RIC1: variants seen among roughly 807,000 people sequenced by gnomAD.
RIC1 encodes guanine nucleotide exchange factor subunit RIC1.
A neutral mutation model predicts 169.0 loss-of-function variants in RIC1; 88 were observed. The observed-to-expected ratio is 0.52, with a 90% CI of 0.44 to 0.62. The LOEUF (loss-of-function observed/expected upper bound fraction) is 0.62. Among genes scored for constraint, RIC1 ranks in the 20% least tolerant of loss-of-function variants. The probability of loss-of-function intolerance (pLI) is 0.00; values close to 1 mark genes in which losing one functional copy is unlikely to be tolerated. For synonymous variants in RIC1, 790 were observed against 601.5 expected (o/e 1.31, Z -4.59); for missense variants, 1,877 against 1,725.5 (o/e 1.09, Z -1.56).
chr9:5,734,480 C>T (rs758755657), intron 7 of RIC1, among the ~76,000 whole-genome samples: 64 of 152,062 alleles, frequency 4.2e-4, no homozygotes, highest in Non-Finnish European at 7.5e-4. Flanking sequence ...GCATTTTTTC[C>T]AGGAATTGGT....
In RIC1 at chr9:5,713,930, A is replaced by C; in HGVS notation, c.367A>C (p.Lys123Gln). 6.2e-7 allele frequency: 1 copy of C among 1,613,198 alleles called. No individual in the cohort carries two copies. The highest frequency in any genetic ancestry group is 8.5e-7 in the Non-Finnish European group (1 of 1,179,362). The change falls in exon 4 of 26, where the codon AAG becomes CAG. Residue 123 changes from lysine to glutamine, a missense_variant. Lys to Gln is a moderately conservative substitution (Grantham distance 53). This residue lies in a region of RIC1 where 1,104 missense variants were observed against 992.0 expected (regional missense o/e 1.11). Coordinates refer to ENST00000414202, the MANE Select transcript of RIC1 (RefSeq NM_020829.4). ...SPQMKGTPHF[K>Q]EEQCAPALNL... The stretch of plus-strand genomic sequence containing the variant: ...ACAAATGAAGGGGACACCCCATTTT[A>C]AGGAAGAACAGTGTGCTCCAGCATT...
rs568924472 is a variant in RIC1, at chr9:5,718,420, G to A, written c.441-1762G>A. 3.9e-5 allele frequency among the ~76,000 whole-genome samples: 6 copies of A among 152,240 alleles called. 1 individual carries two copies. The South Asian group carries it at 1.2e-3, about 32-fold the overall frequency. ...CTACCATGAAGATCAACAGTGAAGA[G>A]GGAAGGGGTCTTCCCTGGAGCCCTT... On this transcript the variant is annotated intron_variant, in intron 4 of 25. Coordinates refer to ENST00000414202, the MANE Select transcript of RIC1 (RefSeq NM_020829.4).
At chr9:5,682,990 C>G (rs1295688534) in intron 2 of RIC1, among the ~76,000 whole-genome samples, 1 of 152,198 alleles carries the variant, frequency 6.6e-6, no homozygotes, top group African/African-American at 2.4e-5. Context: ...TCACGTAGTT[C>G]TCGTGCCATG....
At chr9:5,728,290 A>C (rs572823280) in intron 6 of RIC1, among the ~76,000 whole-genome samples, 2 of 152,314 alleles carry the variant, frequency 1.3e-5, no homozygotes, top group South Asian at 4.1e-4. Context: ...GTTCAATCTG[A>C]GTTGCTGTGC....
Position 5,716,072 on chromosome 9 carries a change from A to T in RIC1, c.440+2069A>T, listed in dbSNP as rs373183168. Among the ~76,000 whole-genome samples, 53 of 151,984 alleles carry T rather than the reference A, an allele frequency of 3.5e-4. 1 individual carries two copies. The highest frequency in any genetic ancestry group is 1.9e-3 in the South Asian group (9 of 4,802). On this transcript the variant is annotated intron_variant, in intron 4 of 25. Transcript: ENST00000414202. ...TTGTTGAGGCTGGTCTCAAACTCCT[A>T]AGCTCAAGCGATCTCCCCTCCTTGG...
chr9:5,743,751 A>T lies in RIC1; in HGVS notation c.1095+14A>T. 1 of 1,589,138 alleles carries T rather than the reference A, an allele frequency of 6.3e-7. No homozygotes were observed. The highest frequency in any genetic ancestry group is 8.6e-7 in the Non-Finnish European group (1 of 1,163,784). ...ATCAACTCTATGGTAAGTACTTTCT[A>T]TAAAAAATTGGCATGGTATTAAAAA... On this transcript the variant is annotated intron_variant, in intron 10 of 25. Transcript: ENST00000414202.
At chr9:5,676,476 A>C (rs1325573817) in intron 2 of RIC1, among the ~76,000 whole-genome samples, 1 of 152,202 alleles carries the variant, frequency 6.6e-6, no homozygotes, top group African/African-American at 2.4e-5. Context: ...CTCTCAAGGT[A>C]GATACTTTTA....
intron 3 of RIC1, among the ~76,000 whole-genome samples, chr9:5,712,084 T>G (rs1337048867): frequency 6.6e-6 from 1 of 152,224 alleles, no homozygotes. Flanking sequence ...CCTTTGGGTA[T>G]ATACCTAGTA....
At chr9:5,704,024 A>G (rs572754898) in intron 3 of RIC1, among the ~76,000 whole-genome samples, 1 of 144,608 alleles carries the variant, frequency 6.9e-6, no homozygotes, top group South Asian at 2.1e-4. Flanking sequence ...ATCCTCATCA[A>G]CATTTGTTAT....
At chr9:5,739,351 C>A (rs547284547) in intron 8 of RIC1, among the ~76,000 whole-genome samples, 2 of 152,194 alleles carry the variant, frequency 1.3e-5, no homozygotes, top group East Asian at 3.8e-4. Flanking sequence ...TGCAGAATCC[C>A]TACTTAGTGG....
intron 1 of RIC1, among the ~76,000 whole-genome samples, chr9:5,640,004 C>G (rs1818162513): frequency 6.6e-6 from 1 of 152,054 alleles, no homozygotes; most frequent in Admixed American, 6.5e-5. Context: ...ATCAGTGGAT[C>G]TTGTTTTTTC....
rs748313355 is a variant in RIC1, at chr9:5,769,072, C to T, written c.3240C>T (p.Gly1080=). The T allele has an allele frequency of 2.5e-6, 4 of 1,614,102 alleles. No homozygotes were observed. The highest frequency in any genetic ancestry group is 3.4e-6 in the Non-Finnish European group (4 of 1,179,978). Residue 1080 remains glycine, a synonymous_variant, in exon 22 of 26, where the codon GGC becomes GGT. Coordinates refer to ENST00000414202, the MANE Select transcript of RIC1 (RefSeq NM_020829.4). Reference sequence around the variant, plus strand: ...AAGATGTGAGGTTAAAGGACCTTGGCTGCTTTGCAGCCCAGCTGGGCTTTG... The same window carrying T: ...AAGATGTGAGGTTAAAGGACCTTGGTTGCTTTGCAGCCCAGCTGGGCTTTG... ...LLEDVRLKDL[G]CFAAQLGFEL...
At chr9:5,641,342 C>T (rs1217684410) in intron 1 of RIC1, among the ~76,000 whole-genome samples, 3 of 152,200 alleles carry the variant, frequency 2.0e-5, no homozygotes, top group East Asian at 1.9e-4. Flanking sequence ...CTGCCCGCCT[C>T]GGCCTCCCAA....
intron 10 of RIC1, among the ~76,000 whole-genome samples, chr9:5,745,325 C>G (rs1431815096): frequency 1.3e-5 from 2 of 152,144 alleles, no homozygotes; most frequent in African/African-American, 4.8e-5. Context: ...TTTAAAAATA[C>G]TATCATGGAG....
intron 1 of RIC1, among the ~76,000 whole-genome samples, chr9:5,647,005 C>T (rs529789390): frequency 2.0e-5 from 3 of 152,134 alleles, no homozygotes; most frequent in African/African-American, 7.2e-5. Flanking sequence ...GATAAGGGTC[C>T]AGCTTTATTT....
At chr9:5,771,302 A>G (rs1827203512) in intron 23 of RIC1, among the ~76,000 whole-genome samples, 1 of 152,170 alleles carries the variant, frequency 6.6e-6, no homozygotes, top group Admixed American at 6.6e-5. Flanking sequence ...TCATATAAGG[A>G]AATCATATAG....
intron 15 of RIC1, 137 bp downstream of exon 15, chr9:5,755,067 G>A (rs1586695899): frequency 2.1e-6 from 1 of 480,712 alleles, no homozygotes; most frequent in African/African-American, 2.0e-5. Context: ...GCTTCTTTTA[G>A]GTAGTGGGAT....
chr9:5,765,622 A>G (rs1826679471), intron 20 of RIC1, 40 bp from the exon 21 acceptor site: 1 of 1,613,950 alleles, frequency 6.2e-7, no homozygotes, highest in African/African-American at 1.3e-5. Context: ...CCCACGTAGC[A>G]TCTTTCTCTA....
chr9:5,702,880 A>G (rs1007193510), intron 3 of RIC1, among the ~76,000 whole-genome samples: 1 of 152,140 alleles, frequency 6.6e-6, no homozygotes, highest in Non-Finnish European at 1.5e-5. Flanking sequence ...AGATCTCACG[A>G]TAACTTACTA....
Sources: gnomAD v4.1 joint callset for allele counts (sites outside exome capture counted in the v4.1 genomes callset) on GRCh38, gnomAD v4.1.1 for gene constraint, gnomAD v4.1.1 regional missense constraint, MANE v1.5 for transcripts, NCBI Gene and HGNC (gene_info 2026-07-23, HGNC 2026-07-21) for gene names.